TRIM14: variants seen among roughly 807,000 people sequenced by gnomAD.
TRIM14 encodes the protein tripartite motif-containing protein 14.
Under a neutral mutation model 44.5 loss-of-function variants are expected in TRIM14, and 28 were observed. The observed-to-expected ratio is 0.63, with a 90% CI of 0.47 to 0.86. The LOEUF is 0.86. TRIM14 is among the 40% of genes least tolerant of loss of function. TRIM14 has a pLI of 0.00. For missense variants in TRIM14, 607 were observed against 611.1 expected, an observed-to-expected ratio of 0.99 and a Z score of 0.07; for synonymous variants, 299 against 269.2, an observed-to-expected ratio of 1.11 and a Z score of -1.08.
At chr9:98,082,232 C>CCAT (rs1280562017), downstream of TRIM14, 4 of 152,204 alleles carry the variant, frequency 2.6e-5, no homozygotes, top group African/African-American at 7.2e-5. Flanking sequence ...GCCACATTCA[C>CCAT]CATCTTATGA....
chr9:98,101,997 G>A (rs1479852763), intron 2 of TRIM14, among the ~76,000 whole-genome samples: 6 of 123,596 alleles, frequency 4.9e-5, no homozygotes, highest in African/African-American at 1.2e-4. Flanking sequence ...GACAATGCAA[G>A]ACTTTGACTC....
chr9:98,104,010 A>G (rs1826505331), intron 2 of TRIM14, among the ~76,000 whole-genome samples: 1 of 152,090 alleles, frequency 6.6e-6, no homozygotes, highest in African/African-American at 2.4e-5. Flanking sequence ...CAAACAGGAG[A>G]TGAGTTCTCT....
chr9:98,098,703 C>CA (rs940641072), intron 3 of TRIM14, among the ~76,000 whole-genome samples: 8 of 149,966 alleles, frequency 5.3e-5, no homozygotes, highest in South Asian at 2.1e-4. Context: ...GACTCCGTCT[C>CA]AAAAAAAAAG....
At chr9:98,041,801 G>T in the TRIM14 span, among the ~76,000 whole-genome samples, 4 of 151,146 alleles carry the variant, frequency 2.6e-5, no homozygotes, top group Non-Finnish European at 4.4e-5. Context: ...TCCTGCCTCA[G>T]CCTCCCGAGT....
chr9:98,074,051 G>T (rs145135186), intron 6 of TRIM14, among the ~76,000 whole-genome samples: 1 of 152,298 alleles, frequency 6.6e-6, no homozygotes, highest in East Asian at 1.9e-4. Flanking sequence ...CTCCCAAAGT[G>T]CTGGGATTAC....
chr9:98,080,005 G>A (rs972405048), downstream of TRIM14, among the ~76,000 whole-genome samples: 7 of 152,206 alleles, frequency 4.6e-5, no homozygotes, highest in African/African-American at 1.4e-4. Flanking sequence ...CTTGAGGCCA[G>A]GAGCTTGAGA....
intron 6 of TRIM14, among the ~76,000 whole-genome samples, chr9:98,073,720 A>G (rs1433871708): frequency 6.6e-6 from 1 of 152,098 alleles, no homozygotes; most frequent in Non-Finnish European, 1.5e-5. Context: ...AGTGTCCCAC[A>G]GGACACAGTA....
At chr9:98,079,635 C>G (rs144110604), downstream of TRIM14, among the ~76,000 whole-genome samples, 1 of 152,240 alleles carries the variant, frequency 6.6e-6, no homozygotes, top group African/African-American at 2.4e-5. Context: ...AAGTAAACAT[C>G]CCCTGCACTC....
chr9:98,081,002 C>A, downstream of TRIM14: 2 of 1,614,160 alleles, frequency 1.2e-6, no homozygotes, highest in Non-Finnish European at 1.7e-6. Flanking sequence ...CGAGCTGGTG[C>A]GGTCAGTGCG....
At chr9:98,078,315 C>T (rs769426568) in intron 6 of TRIM14, 2 of 1,613,978 alleles carry the variant, frequency 1.2e-6, no homozygotes, top group South Asian at 1.1e-5. Context: ...ATACCCGCTC[C>T]AGCCTGAGGA....
the TRIM14 span, among the ~76,000 whole-genome samples, chr9:98,052,538 G>C: frequency 6.6e-6 from 1 of 151,572 alleles, no homozygotes; most frequent in African/African-American, 2.4e-5. Context: ...ACAAAGTTTT[G>C]CTCTTGTTGC....
At chr9:98,068,802 T>A (rs1587911828), downstream of TRIM14, among the ~76,000 whole-genome samples, 1 of 147,968 alleles carries the variant, frequency 6.8e-6, no homozygotes, top group East Asian at 2.0e-4. Context: ...GACTCCAGCC[T>A]TGGCAAAAGA....
the TRIM14 span, among the ~76,000 whole-genome samples, chr9:98,036,605 C>T: frequency 6.6e-6 from 1 of 151,702 alleles, no homozygotes; most frequent in Non-Finnish European, 1.5e-5. Flanking sequence ...AGTTCAAAAC[C>T]AGCCTAACCA....
chr9:98,114,022 G>A (rs950895683), intron 1 of TRIM14, among the ~76,000 whole-genome samples: 2 of 152,154 alleles, frequency 1.3e-5, no homozygotes, highest in Non-Finnish European at 2.9e-5. Context: ...AAGCTAACTT[G>A]GGCATAACCA....
chr9:98,066,902 T>C (rs370098617), downstream of TRIM14, among the ~76,000 whole-genome samples: 296 of 152,272 alleles, frequency 1.9e-3, no homozygotes, highest in African/African-American at 6.9e-3. Context: ...CCACTTGCCT[T>C]GGCCTCCCAA....
intron 3 of TRIM14, among the ~76,000 whole-genome samples, chr9:98,096,708 G>T (rs1423026077): frequency 6.6e-6 from 1 of 151,950 alleles, no homozygotes; most frequent in Admixed American, 6.6e-5. Flanking sequence ...CTCTTGACCT[G>T]CCTGTTTCTC....
chr9:98,099,279 C>T (rs1392303927), intron 3 of TRIM14, among the ~76,000 whole-genome samples: 1 of 151,796 alleles, frequency 6.6e-6, no homozygotes, highest in Non-Finnish European at 1.5e-5. Context: ...GTGGAGAAAC[C>T]CTGTCTCTAC....
At chr9:98,091,757 T>C (rs1383346697) in intron 5 of TRIM14, 152 bp downstream of exon 5, 1 of 441,020 alleles carries the variant, frequency 2.3e-6, no homozygotes, top group African/African-American at 2.1e-5. Flanking sequence ...CCTTTAATAA[T>C]AAACATTTTT....
At chr9:98,060,754 C>G in the TRIM14 span, 11 of 1,608,014 alleles carry the variant, frequency 6.8e-6, no homozygotes, top group African/African-American at 1.3e-5. Context: ...ACGACAGTCA[C>G]TGAAAGATGT....
Sources: gnomAD v4.1 joint callset for allele counts (sites outside exome capture counted in the v4.1 genomes callset) on GRCh38, gnomAD v4.1.1 for gene constraint, MANE v1.5 for transcripts, NCBI Gene and HGNC (gene_info 2026-07-23, HGNC 2026-07-21) for gene names.